Variants in KIF1B observed in about 807,000 individuals in gnomAD.
KIF1B encodes the protein kinesin family member 1B, also known as kinesin-like protein KIF1B.
KIF1B carries 76 observed loss-of-function variants against 241.9 expected under a neutral mutation model. That is an observed-to-expected ratio of 0.31 (90% CI 0.26 to 0.38). The LOEUF (loss-of-function observed/expected upper bound fraction) is 0.38. Ranked by LOEUF, KIF1B falls within the 10% of genes least tolerant of loss-of-function variation. KIF1B has a pLI of 1.00. For missense variants in KIF1B, 1,622 were observed against 2,271.4 expected (o/e 0.71, Z 5.81); for synonymous variants, 750 against 796.7 (o/e 0.94, Z 0.99).
Position 10,252,187 on chromosome 1 carries a change from G to A in KIF1B, c.107-4060G>A, listed in dbSNP as rs551314815. Among the ~76,000 whole-genome samples, 33 of 152,000 alleles carry A rather than the reference G, an allele frequency of 2.2e-4. No individual in the cohort carries two copies. In the South Asian group the frequency reaches 5.2e-3, roughly 24 times the overall value. ...CCCAAGTAGCTGGGATTACAGGTGC[G>A]TGCCACCATGCCTCGCTAACTTTTG... is the stretch of plus-strand genomic sequence containing the variant. On this transcript the variant is annotated intron_variant, in intron 2 of 48. Transcript: ENST00000676179.
rs977020197 is a variant in KIF1B at position 10,306,356 on chromosome 1, A to G, written c.2115+9110A>G. ...AGGCTGCTTCAAATCAGTCACTTCA[A>G]TGCATTTTGTGTAAACCCAGTTGTC... On this transcript the variant is annotated intron_variant, in intron 22 of 48. Transcript: ENST00000676179. 14 of 1,046,346 alleles carry G rather than the reference A, an allele frequency of 1.3e-5. No homozygotes were observed. The East Asian group carries it at 1.7e-4, about 12-fold the overall frequency. 64.8% of individuals were successfully genotyped at this position (1,046,346 alleles called of 1,614,324 possible). A position where few individuals can be genotyped will look rare whatever the true frequency, so the allele number is the denominator to read the frequency against.
chr1:10,282,564 A>C (rs1295196557), intron 15 of KIF1B, 31 bp downstream of exon 15: 2 of 1,558,110 alleles, frequency 1.3e-6, no homozygotes, highest in African/African-American at 2.7e-5. Flanking sequence ...AATACAAGGT[A>C]TTCTATGTAG....
chr1:10,320,993 G>T (rs767685803), intron 23 of KIF1B, among the ~76,000 whole-genome samples: 1 of 151,462 alleles, frequency 6.6e-6, no homozygotes, highest in Admixed American at 6.6e-5. Flanking sequence ...GAGCCACTGC[G>T]CCCAGCCAAT....
chr1:10,282,253 C>A, intron 14 of KIF1B, 69 bp from the exon 15 acceptor site: 1 of 1,265,928 alleles, frequency 7.9e-7, no homozygotes, highest in Non-Finnish European at 1.1e-6. Context: ...TCCTTCCTGT[C>A]TTTTTTTCTT....
intron 1 of KIF1B, among the ~76,000 whole-genome samples, chr1:10,226,498 T>TGG (rs1400865737): frequency 1.3e-5 from 2 of 152,368 alleles, no homozygotes; most frequent in African/African-American, 4.8e-5. Flanking sequence ...TTCAACACTT[T>TGG]GGTAGGTCCT....
rs1022195096 is a variant in KIF1B at position 10,380,831 on chromosome 1, C to A, written c.*4244C>A. 8.2e-5 allele frequency: 18 copies of A among 220,174 alleles called. No individual in the cohort carries two copies. Among genetic ancestry groups the A allele is most frequent in the Admixed American group, 1.2e-4 (2 of 17,320 alleles). 13.6% of individuals were successfully genotyped at this position (220,174 alleles called of 1,614,324 possible). On this transcript the variant is annotated 3_prime_UTR_variant, in exon 49 of 49. Transcript: ENST00000676179. The stretch of plus-strand genomic sequence containing the variant: ...GCCAGTGATTCACCCCAGTGTGTGG[C>A]CAGACCATGACTGTGTAGCAGGAAT...
Position 10,272,325 on chromosome 1 carries a change from T to A in KIF1B, c.864+19T>A. The A allele has an allele frequency of 6.7e-7, 1 of 1,495,802 alleles. No individual in the cohort carries two copies. 92.7% of individuals were successfully genotyped at this position (1,495,802 alleles called of 1,614,324 possible). ...CGAGGTGGTAAGTTTTATACTTCAT[T>A]ATAAGGGGAGTTGTGTCTGTTCAGC... is the stretch of plus-strand genomic sequence containing the variant. On this transcript the variant is annotated intron_variant, in intron 9 of 48. Transcript: ENST00000676179.
rs1651009442 is a variant in KIF1B, at chr1:10,310,239, C to T, written c.2116-9804C>T. The stretch of plus-strand genomic sequence containing the variant: ...TTTTGGGGTCTTATGAGAACACAGA[C>T]TATTGGGCCCACCTTCAGAGTTTCT... On this transcript the variant is annotated intron_variant, in intron 22 of 48. Coordinates refer to ENST00000676179, the MANE Select transcript of KIF1B (RefSeq NM_001365951.3). 1.3e-5 allele frequency among the ~76,000 whole-genome samples: 2 copies of T among 151,528 alleles called. 1 individual carries two copies. Among genetic ancestry groups the T allele is most frequent in the South Asian group, 4.1e-4 (2 of 4,832 alleles).
intron 7 of KIF1B, among the ~76,000 whole-genome samples, chr1:10,268,700 C>T (rs560449198): frequency 1.3e-5 from 2 of 149,714 alleles, no homozygotes; most frequent in South Asian, 4.2e-4. Context: ...TGTTTCATTC[C>T]TGGAAAATAA....
At chr1:10,244,092 A>G (rs150834221) in intron 2 of KIF1B, among the ~76,000 whole-genome samples, 17 of 152,276 alleles carry the variant, frequency 1.1e-4, no homozygotes, top group African/African-American at 4.1e-4. Context: ...TAGTACATTT[A>G]TCCCTGTTTT....
chr1:10,314,981 T>A (rs1382470897), intron 22 of KIF1B, among the ~76,000 whole-genome samples: 2 of 151,198 alleles, frequency 1.3e-5, no homozygotes, highest in African/African-American at 4.9e-5. Context: ...AATAATTCCA[T>A]GTAATGTATA....
Position 10,343,234 on chromosome 1 carries a change from C to G in KIF1B, c.3635C>G (p.Pro1212Arg), listed in dbSNP as rs141224290. 6.2e-7 allele frequency: 1 copy of G among 1,613,934 alleles called. No individual in the cohort carries two copies. The highest frequency in any genetic ancestry group is 8.5e-7 in the Non-Finnish European group (1 of 1,179,992). Residue 1212 changes from proline to arginine, a missense_variant and splice_region_variant, in exon 34 of 49, where the codon CCG (proline) becomes CGG (arginine). By Grantham distance (103) the Pro-to-Arg change is moderately radical (BLOSUM62 -2). Coordinates refer to ENST00000676179, the MANE Select transcript of KIF1B (RefSeq NM_001365951.3). Reference sequence around the variant, plus strand: ...TCTTTGTCTTCCTTTCTTTGCAGTCCGCCTCAGCCGTGCCGCCGATTCTTC... The same window carrying G: ...TCTTTGTCTTCCTTTCTTTGCAGTCGGCCTCAGCCGTGCCGCCGATTCTTC... ...LHLQGQELNS[P>R]PQPCRRFFPP...
intron 34 of KIF1B, chr1:10,345,632 ATTTC>A (rs959322013): frequency 5.4e-6 from 3 of 559,760 alleles, no homozygotes; most frequent in Admixed American, 3.1e-5. Flanking sequence ...AAAGATACTG[ATTTC>A]TTTATTTTCC....
At chr1:10,338,277 A>G (rs946169063) in intron 31 of KIF1B, among the ~76,000 whole-genome samples, 9 of 152,068 alleles carry the variant, frequency 5.9e-5, no homozygotes, top group African/African-American at 2.2e-4. Flanking sequence ...TCCCCTCAGA[A>G]TGTGCCTTGG....
intron 37 of KIF1B, among the ~76,000 whole-genome samples, chr1:10,350,583 A>G (rs1652757575): frequency 6.6e-6 from 1 of 152,154 alleles, no homozygotes; most frequent in Non-Finnish European, 1.5e-5. Flanking sequence ...ATAAATAAAT[A>G]AGATATTTTG....
chr1:10,256,214 T>C (rs1174357603), intron 2 of KIF1B, 33 bp from the exon 3 acceptor site: 1 of 1,319,934 alleles, frequency 7.6e-7, no homozygotes, highest in East Asian at 2.3e-5. Context: ...TGTAATTGAG[T>C]GACTTATAAA....
intron 5 of KIF1B, among the ~76,000 whole-genome samples, chr1:10,262,997 T>C (rs753330662): frequency 6.6e-6 from 1 of 152,158 alleles, no homozygotes; most frequent in African/African-American, 2.4e-5. Context: ...CTGTTTTGTA[T>C]GTGCTTAAAG....
chr1:10,244,814 GT>G (rs1054014500), intron 2 of KIF1B, among the ~76,000 whole-genome samples: 35 of 146,568 alleles, frequency 2.4e-4, no homozygotes, highest in African/African-American at 8.8e-4. Context: ...GGGTTTCACT[GT>G]TTTAGCCAGG....
chr1:10,353,735 GAAAC>G (rs1652880239), intron 38 of KIF1B, among the ~76,000 whole-genome samples: 1 of 152,178 alleles, frequency 6.6e-6, no homozygotes, highest in Non-Finnish European at 1.5e-5. Flanking sequence ...AGAGAAAAAA[GAAAC>G]AAACTTCTGT....
Sources: gnomAD v4.1 joint callset for allele counts (sites outside exome capture counted in the v4.1 genomes callset) on GRCh38, gnomAD v4.1.1 for gene constraint, MANE v1.5 for transcripts, NCBI Gene and HGNC (gene_info 2026-07-23, HGNC 2026-07-21) for gene names.